Variants in UTRN observed in about 807,000 individuals in gnomAD.
UTRN encodes dystrophin-related protein 1.
In UTRN, 283 loss-of-function variants were observed where a neutral mutation model predicts 463.9. The ratio of observed to expected loss-of-function variants is 0.61; its 90% CI spans 0.55 to 0.67. UTRN has a LOEUF of 0.67. Among genes scored for constraint, UTRN ranks in the 30% least tolerant of loss-of-function variants. The pLI is 0.00. For synonymous variants in UTRN, 1,442 were observed against 1,431.5 expected, an observed-to-expected ratio of 1.01 and a Z score of -0.17; for missense variants, 3,922 against 4,084.3, an observed-to-expected ratio of 0.96 and a Z score of 1.08.
chr6:144,682,232 A>G (rs1433888202), intron 52 of UTRN, among the ~76,000 whole-genome samples: 1 of 152,158 alleles, frequency 6.6e-6, no homozygotes, highest in Non-Finnish European at 1.5e-5. Flanking sequence ...GATCCCCAAA[A>G]TAACTGAGAA....
intron 2 of UTRN, among the ~76,000 whole-genome samples, chr6:144,324,363 T>C (rs1477424467): frequency 4.6e-5 from 7 of 152,178 alleles, no homozygotes; most frequent in Admixed American, 1.3e-4. Flanking sequence ...AAATTTCACA[T>C]TTGAAAATAA....
chr6:144,511,150 G>A (rs1795131907), intron 35 of UTRN, 27 bp downstream of exon 35: 1 of 1,466,360 alleles, frequency 6.8e-7, no homozygotes, highest in Admixed American at 2.3e-5. Flanking sequence ...AGTAAATGAT[G>A]AAATCTTCTC....
chr6:144,482,410 T>TATA (rs1791986032), intron 27 of UTRN, 22 bp downstream of exon 27: 2 of 1,248,126 alleles, frequency 1.6e-6, no homozygotes, highest in Non-Finnish European at 2.1e-6. Flanking sequence ...TTATTATTGT[T>TATA]GTTATTATTA....
At chr6:144,802,895 G>C (rs368510726) in intron 64 of UTRN, 141 bp from the exon 65 acceptor site, 48 of 458,522 alleles carry the variant, frequency 1.0e-4, no homozygotes, top group East Asian at 8.6e-4. Flanking sequence ...TGTATAAACA[G>C]ATAGAAGCAT....
intron 65 of UTRN, among the ~76,000 whole-genome samples, chr6:144,815,552 G>A (rs1170703929): frequency 6.6e-6 from 1 of 152,210 alleles, no homozygotes. Flanking sequence ...AGAGCCCCTG[G>A]CAAACCACTG....
intron 34 of UTRN, among the ~76,000 whole-genome samples, chr6:144,502,754 T>A (rs2128585867): frequency 6.6e-6 from 1 of 152,334 alleles, no homozygotes; most frequent in Middle Eastern, 3.4e-3. Context: ...TGATTTATAA[T>A]CCTTTGAGTA....
At chr6:144,551,365 AGGCTT>A (rs1468246372) in intron 48 of UTRN, among the ~76,000 whole-genome samples, 2 of 152,162 alleles carry the variant, frequency 1.3e-5, no homozygotes, top group African/African-American at 4.8e-5. Flanking sequence ...CTCTTAACTT[AGGCTT>A]TCTTTTAGAG....
chr6:144,819,700 T>TA (rs1262581780), intron 65 of UTRN, among the ~76,000 whole-genome samples: 2 of 151,832 alleles, frequency 1.3e-5, no homozygotes, highest in Non-Finnish European at 2.9e-5. Context: ...CTCAAAAAAA[T>TA]AAAAAAAGTT....
chr6:144,403,272 G>T, intron 3 of UTRN, 88 bp downstream of exon 3: 2 of 1,188,218 alleles, frequency 1.7e-6, no homozygotes, highest in East Asian at 2.5e-5. Context: ...ATTTTCCCCA[G>T]GAAATGTCAC....
rs76997903 is a variant in UTRN, at chr6:144,832,431, A to T, written c.9666-3349A>T. Among the ~76,000 whole-genome samples the T allele has an allele frequency of 8.4e-3, 1,287 of 152,346 alleles. 17 individuals are homozygous for T. Among genetic ancestry groups the T allele is most frequent in the African/African-American group, 0.029 (1,219 of 41,578 alleles). ...TCAGCTTCCCCAGAGAAGTGAATCTATATGTATGTTGACAACAAAAATACA... is the reference window on the plus strand; with the variant it reads ...TCAGCTTCCCCAGAGAAGTGAATCTTTATGTATGTTGACAACAAAAATACA... On this transcript the variant is annotated intron_variant, in intron 69 of 74. Coordinates refer to ENST00000367545, the MANE Select transcript of UTRN (RefSeq NM_007124.3).
At chr6:144,588,104 G>A (rs1802647380) in intron 51 of UTRN, among the ~76,000 whole-genome samples, 1 of 152,074 alleles carries the variant, frequency 6.6e-6, no homozygotes, top group South Asian at 2.1e-4. Flanking sequence ...GTTTGTTTCT[G>A]CACTTCCTAG....
At chr6:144,388,057 A>C (rs938195509) in intron 2 of UTRN, among the ~76,000 whole-genome samples, 1 of 152,214 alleles carries the variant, frequency 6.6e-6, no homozygotes, top group Non-Finnish European at 1.5e-5. Flanking sequence ...ATGTTACAGA[A>C]GGTATTACGT....
intron 51 of UTRN, among the ~76,000 whole-genome samples, chr6:144,604,159 C>T (rs1303984216): frequency 6.6e-6 from 1 of 152,134 alleles, no homozygotes; most frequent in Non-Finnish European, 1.5e-5. Context: ...TCTCTGAGCT[C>T]GTAAGGTAAA....
chr6:144,522,224 G>C, intron 40 of UTRN, 53 bp downstream of exon 40: 3 of 1,363,200 alleles, frequency 2.2e-6, no homozygotes, highest in Non-Finnish European at 2.9e-6. Flanking sequence ...AGAAGTAGAG[G>C]AAGAAATTTG....
chr6:144,382,059 G>A (rs1780980434), intron 2 of UTRN, among the ~76,000 whole-genome samples: 1 of 152,154 alleles, frequency 6.6e-6, no homozygotes. Context: ...TGACTGGTGT[G>A]AAATTTATAT....
intron 3 of UTRN, among the ~76,000 whole-genome samples, chr6:144,418,742 TG>T (rs1784576974): frequency 6.6e-6 from 1 of 151,518 alleles, no homozygotes; most frequent in Non-Finnish European, 1.5e-5. Flanking sequence ...TTAGTAGAGA[TG>T]GGGTTTTGCC....
chr6:144,709,031 T>G (rs1292911490), intron 53 of UTRN, among the ~76,000 whole-genome samples: 1 of 152,206 alleles, frequency 6.6e-6, no homozygotes, highest in Non-Finnish European at 1.5e-5. Context: ...AGTCCATTCA[T>G]GAAGGTCAAA....
chr6:144,447,480 A>C, intron 15 of UTRN, 122 bp from the exon 16 acceptor site: 1 of 1,325,098 alleles, frequency 7.5e-7, no homozygotes, highest in East Asian at 2.5e-5. Flanking sequence ...ACCTTTTAGC[A>C]TAGTGAACTG....
At position 144,429,508 on chromosome 6, in the gene UTRN, A is replaced by T. The variant is rs1785601381; in HGVS notation, c.695-73A>T. On this transcript the variant is annotated intron_variant, in intron 8 of 74. Transcript: ENST00000367545. ...TATGGGTACTAAGGAGAGTTATTTT[A>T]TATCTAATATTGAGCAATTCACATA... 4 of 1,357,432 alleles carry T rather than the reference A, an allele frequency of 2.9e-6. No individual in the cohort carries two copies. In the African/African-American group the frequency reaches 5.9e-5, roughly 20 times the overall value. 84.1% of individuals were successfully genotyped at this position (1,357,432 alleles called of 1,614,324 possible).
Sources: gnomAD v4.1 joint callset for allele counts (sites outside exome capture counted in the v4.1 genomes callset) on GRCh38, gnomAD v4.1.1 for gene constraint, MANE v1.5 for transcripts, NCBI Gene and HGNC (gene_info 2026-07-23, HGNC 2026-07-21) for gene names.